TAFA4: variants seen among roughly 807,000 people sequenced by gnomAD.
TAFA4 encodes chemokine-like protein TAFA-4.
Under a neutral mutation model 21.1 loss-of-function variants are expected in TAFA4, and 20 were observed. The observed-to-expected ratio is 0.95, with a 90% CI of 0.67 to 1.38. The LOEUF (loss-of-function observed/expected upper bound fraction) is 1.38, where lower values mean the gene tolerates loss of function less well. Ranked by LOEUF, TAFA4 falls within the 40% of genes most tolerant of loss-of-function variation. The probability of loss-of-function intolerance (pLI) is 0.00; values close to 1 mark genes in which losing one functional copy is unlikely to be tolerated. For missense variants in TAFA4, 211 were observed against 180.9 expected, an observed-to-expected ratio of 1.17 and a Z score of -0.95; for synonymous variants, 71 against 67.4, an observed-to-expected ratio of 1.05 and a Z score of -0.26.
chr3:68,807,989 G>A (rs1468646433), intron 3 of TAFA4, among the ~76,000 whole-genome samples: 1 of 152,122 alleles, frequency 6.6e-6, no homozygotes, highest in African/African-American at 2.4e-5. Context: ...ATACAGTAGA[G>A]CATTATATTG....
intron 4 of TAFA4, among the ~76,000 whole-genome samples, chr3:68,743,146 G>T (rs1205403290): frequency 6.6e-6 from 1 of 152,146 alleles, no homozygotes; most frequent in Non-Finnish European, 1.5e-5. Context: ...GTGGATTTGT[G>T]ATCTAGGGTA....
At chr3:68,742,908 C>G (rs1044935623) in intron 4 of TAFA4, among the ~76,000 whole-genome samples, 7 of 152,116 alleles carry the variant, frequency 4.6e-5, no homozygotes, top group African/African-American at 1.7e-4. Context: ...CCTTATGCAT[C>G]TACTAGAAAC....
rs949452190 is a variant in TAFA4 at position 68,822,808 on chromosome 3, TA to T, written c.130+57921del. Among the ~76,000 whole-genome samples the T allele has an allele frequency of 6.7e-4, 102 of 152,344 alleles. 1 individual carries two copies. The highest frequency in any genetic ancestry group is 2.4e-3 in the African/African-American group (98 of 41,590). ...TATCATGCCATTTCTTTCATTGTGT[TA>T]ATGCATTCTAAGATGGAATTAATTT... On this transcript the variant is annotated intron_variant, in intron 3 of 5. Coordinates refer to ENST00000295569, the MANE Select transcript of TAFA4 (RefSeq NM_182522.5).
At chr3:68,885,529 AC>A (rs1324503553) in intron 1 of TAFA4, among the ~76,000 whole-genome samples, 2 of 152,228 alleles carry the variant, frequency 1.3e-5, no homozygotes, top group Non-Finnish European at 2.9e-5. Context: ...ATATTAGTTA[AC>A]ACCACATAGT....
intron 3 of TAFA4, among the ~76,000 whole-genome samples, chr3:68,758,813 G>A (rs1375020371): frequency 6.6e-6 from 1 of 152,192 alleles, no homozygotes; most frequent in Non-Finnish European, 1.5e-5. Flanking sequence ...GCTTATAATT[G>A]TTTCAGCAGC....
intron 3 of TAFA4, among the ~76,000 whole-genome samples, chr3:68,861,739 A>C (rs570160771): frequency 1.3e-5 from 2 of 151,948 alleles, no homozygotes; most frequent in African/African-American, 2.4e-5. Flanking sequence ...ACATTCACTT[A>C]CTTCTCACTC....
chr3:68,782,897 G>T (rs887629156), intron 3 of TAFA4, among the ~76,000 whole-genome samples: 1 of 152,094 alleles, frequency 6.6e-6, no homozygotes, highest in Non-Finnish European at 1.5e-5. Context: ...TTAAAAATGT[G>T]TATTTTACAA....
intron 1 of TAFA4, among the ~76,000 whole-genome samples, chr3:68,926,362 CTTTTA>C (rs1355355485): frequency 6.6e-6 from 1 of 151,902 alleles, no homozygotes; most frequent in Non-Finnish European, 1.5e-5. Flanking sequence ...TTTAACTTTC[CTTTTA>C]TATTTTTCTG....
chr3:68,747,166 T>G (rs1436869068), intron 4 of TAFA4, among the ~76,000 whole-genome samples: 2 of 152,186 alleles, frequency 1.3e-5, no homozygotes, highest in Non-Finnish European at 2.9e-5. Flanking sequence ...CCATGCTACC[T>G]CTATTTTATG....
intron 4 of TAFA4, among the ~76,000 whole-genome samples, chr3:68,743,607 T>G (rs1702399184): frequency 6.6e-6 from 1 of 151,920 alleles, no homozygotes; most frequent in Non-Finnish European, 1.5e-5. Context: ...TTAAGTTATA[T>G]TCTTTGCAGC....
intron 3 of TAFA4, among the ~76,000 whole-genome samples, chr3:68,804,792 A>T (rs1169580800): frequency 6.6e-6 from 1 of 152,206 alleles, no homozygotes; most frequent in Non-Finnish European, 1.5e-5. Context: ...CACCTTATAC[A>T]AAAATTAATT....
At chr3:68,768,218 G>C (rs560162209) in intron 3 of TAFA4, among the ~76,000 whole-genome samples, 1 of 152,182 alleles carries the variant, frequency 6.6e-6, no homozygotes, top group South Asian at 2.1e-4. Flanking sequence ...CATCTGATAA[G>C]GGGTAAGATC....
At chr3:68,820,502 C>T (rs1704090151) in intron 3 of TAFA4, among the ~76,000 whole-genome samples, 1 of 151,824 alleles carries the variant, frequency 6.6e-6, no homozygotes, top group Non-Finnish European at 1.5e-5. Context: ...ATAGTGAAAC[C>T]TCATCCTACC....
intron 3 of TAFA4, among the ~76,000 whole-genome samples, chr3:68,838,834 T>G (rs965011987): frequency 3.3e-5 from 5 of 152,100 alleles, no homozygotes; most frequent in African/African-American, 1.2e-4. Flanking sequence ...CAGTGGCTCA[T>G]GCCTCTAATC....
chr3:68,850,626 C>T (rs565073039), intron 3 of TAFA4, among the ~76,000 whole-genome samples: 45 of 152,292 alleles, frequency 3.0e-4, no homozygotes, highest in African/African-American at 1.0e-3. Context: ...TTTTGATTTG[C>T]ACTTCTCTAA....
intron 5 of TAFA4, among the ~76,000 whole-genome samples, chr3:68,734,315 G>A (rs1702201780): frequency 1.3e-5 from 2 of 152,092 alleles, no homozygotes; most frequent in South Asian, 4.1e-4. Flanking sequence ...GCCACAGTTT[G>A]CTGATCCCTA....
intron 3 of TAFA4, among the ~76,000 whole-genome samples, chr3:68,792,763 A>G (rs893753381): frequency 3.3e-5 from 5 of 152,186 alleles, no homozygotes; most frequent in African/African-American, 1.2e-4. Flanking sequence ...ATCTTTTCAA[A>G]TTAACTAGAT....
chr3:68,926,050 G>A (rs777602652), intron 1 of TAFA4, among the ~76,000 whole-genome samples: 67 of 152,126 alleles, frequency 4.4e-4, no homozygotes, highest in Non-Finnish European at 7.9e-4. Flanking sequence ...TGGTCAACAT[G>A]GTGAAACCCC....
chr3:68,907,538 A>G (rs1184413690), intron 1 of TAFA4, among the ~76,000 whole-genome samples: 1 of 152,254 alleles, frequency 6.6e-6, no homozygotes, highest in Non-Finnish European at 1.5e-5. Context: ...TTGTGATACT[A>G]ACAGTGACAG....
Sources: gnomAD v4.1 joint callset for allele counts (sites outside exome capture counted in the v4.1 genomes callset) on GRCh38, gnomAD v4.1.1 for gene constraint, MANE v1.5 for transcripts, NCBI Gene and HGNC (gene_info 2026-07-23, HGNC 2026-07-21) for gene names.